The following SGCZ variants were observed in gnomAD, a reference collection of about 807,000 sequenced individuals.
The protein encoded by SGCZ is sarcoglycan zeta.
Under a neutral mutation model 41.3 loss-of-function variants are expected in SGCZ, and 40 were observed. That is an observed-to-expected ratio of 0.97 (90% CI 0.75 to 1.26). The LOEUF (loss-of-function observed/expected upper bound fraction) is 1.26, where lower values mean the gene tolerates loss of function less well. Ranked by LOEUF, SGCZ falls within the 50% of genes most tolerant of loss-of-function variation. The probability of loss-of-function intolerance (pLI) is 0.00; values close to 1 mark genes in which losing one functional copy is unlikely to be tolerated. For synonymous variants in SGCZ, 206 were observed against 137.5 expected, an observed-to-expected ratio of 1.50 and a Z score of -3.49; for missense variants, 552 against 369.8, an observed-to-expected ratio of 1.49 and a Z score of -4.04.
chr8:15,033,262 C>T (rs1803750352), intron 1 of SGCZ, among the ~76,000 whole-genome samples: 1 of 152,006 alleles, frequency 6.6e-6, no homozygotes, highest in Non-Finnish European at 1.5e-5. Context: ...CACCCACACA[C>T]CCAAACTCCA....
chr8:15,199,501 T>C (rs1274632044), intron 1 of SGCZ, among the ~76,000 whole-genome samples: 3 of 152,220 alleles, frequency 2.0e-5, no homozygotes, highest in East Asian at 3.8e-4. Flanking sequence ...ATTGTCACTC[T>C]GTAATACTCT....
intron 2 of SGCZ, among the ~76,000 whole-genome samples, chr8:14,524,386 C>A (rs996240796): frequency 6.6e-6 from 1 of 151,922 alleles, no homozygotes; most frequent in Non-Finnish European, 1.5e-5. Context: ...TAGGCTAGGT[C>A]TCCAGTGACA....
chr8:14,626,173 T>C (rs1806447423), intron 1 of SGCZ, among the ~76,000 whole-genome samples: 1 of 152,128 alleles, frequency 6.6e-6, no homozygotes, highest in Admixed American at 6.6e-5. Context: ...TTTTATGTTC[T>C]AAGATACTTG....
intron 7 of SGCZ, among the ~76,000 whole-genome samples, chr8:14,092,435 T>C (rs1295095712): frequency 6.6e-6 from 1 of 152,080 alleles, no homozygotes; most frequent in Non-Finnish European, 1.5e-5. Context: ...TATTTTTTAA[T>C]ACTCATAAAA....
At chr8:14,848,765 C>T (rs147505532) in intron 1 of SGCZ, among the ~76,000 whole-genome samples, 45 of 152,208 alleles carry the variant, frequency 3.0e-4, no homozygotes, top group Non-Finnish European at 5.6e-4. Context: ...AATAAAACTT[C>T]GTCACAATGG....
intron 1 of SGCZ, among the ~76,000 whole-genome samples, chr8:14,872,223 C>G (rs1804185982): frequency 6.6e-6 from 1 of 151,932 alleles, no homozygotes; most frequent in African/African-American, 2.4e-5. Flanking sequence ...ATGTAGATGA[C>G]AGGTTGATGG....
chr8:14,751,952 A>AC (rs1554493004), intron 1 of SGCZ, among the ~76,000 whole-genome samples: 78 of 147,956 alleles, frequency 5.3e-4, no homozygotes, highest in Admixed American at 8.8e-4. Context: ...AAAACAAACA[A>AC]AAAAAAAAAA....
At chr8:14,220,157 G>A (rs768499321) in intron 4 of SGCZ, among the ~76,000 whole-genome samples, 24 of 152,172 alleles carry the variant, frequency 1.6e-4, no homozygotes, top group Non-Finnish European at 2.8e-4. Flanking sequence ...CAAAAGGGAG[G>A]CAGAAGAATG....
chr8:15,176,661 C>A (rs944533121), intron 1 of SGCZ, among the ~76,000 whole-genome samples: 2 of 152,116 alleles, frequency 1.3e-5, no homozygotes, highest in Non-Finnish European at 2.9e-5. Context: ...AAATACAGAA[C>A]AGTTTTCTCC....
intron 5 of SGCZ, among the ~76,000 whole-genome samples, chr8:14,124,232 G>C (rs1454546855): frequency 2.0e-5 from 3 of 151,998 alleles, no homozygotes; most frequent in Non-Finnish European, 2.9e-5. Flanking sequence ...TAAAATGTAG[G>C]CAGTCCATTC....
intron 3 of SGCZ, among the ~76,000 whole-genome samples, chr8:14,245,647 C>T (rs879039005): frequency 1.3e-5 from 2 of 151,162 alleles, no homozygotes; most frequent in Non-Finnish European, 2.9e-5. Context: ...CTACCATCAG[C>T]GTGAAAAGGC....
chr8:14,811,597 GAGA>G (rs1297449878), intron 1 of SGCZ, among the ~76,000 whole-genome samples: 1 of 114,276 alleles, frequency 8.8e-6, no homozygotes, highest in African/African-American at 3.4e-5. Flanking sequence ...GCCAGAAAAA[GAGA>G]AGGTTTTGTT....
chr8:14,333,994 AC>A (rs1227720668), intron 2 of SGCZ, among the ~76,000 whole-genome samples: 1 of 152,130 alleles, frequency 6.6e-6, no homozygotes. Flanking sequence ...GATCTGCTTT[AC>A]GGGTGTCACT....
At chr8:14,766,598 G>GTCTAAAGTGCAGACAGTGTT (rs1308939926) in intron 1 of SGCZ, among the ~76,000 whole-genome samples, 2 of 151,696 alleles carry the variant, frequency 1.3e-5, no homozygotes, top group African/African-American at 4.8e-5. Flanking sequence ...GTTTCATTCT[G>GTCTAAAGTGCAGACAGTGTT]TCACCCAGGC....
In SGCZ at chr8:15,038,516, AC is replaced by A. The variant is rs1412228873; in HGVS notation, c.39+199068del. Among the ~76,000 whole-genome samples the A allele has an allele frequency of 4.6e-5, 7 of 151,878 alleles. No homozygotes were observed. In the South Asian group the frequency reaches 1.5e-3, roughly 32 times the overall value. ...ACTATAAAACTACTAGAAAAAAAAA[AC>A]AAGGGAAAATTTCTATAACATTGGT... On this transcript the variant is annotated intron_variant, in intron 1 of 7. Coordinates refer to ENST00000382080, the MANE Select transcript of SGCZ (RefSeq NM_139167.4).
intron 2 of SGCZ, among the ~76,000 whole-genome samples, chr8:14,389,650 G>C (rs112012824): frequency 1.3e-5 from 2 of 151,962 alleles, no homozygotes; most frequent in African/African-American, 4.8e-5. Flanking sequence ...TAGAAAATTA[G>C]TACTTAAGAA....
intron 1 of SGCZ, among the ~76,000 whole-genome samples, chr8:14,671,373 G>A (rs1808097044): frequency 6.6e-6 from 1 of 152,128 alleles, no homozygotes; most frequent in African/African-American, 2.4e-5. Context: ...TTTATTAATA[G>A]ATGGAATGGA....
chr8:14,774,836 T>A (rs1483911957), intron 1 of SGCZ, among the ~76,000 whole-genome samples: 1 of 152,180 alleles, frequency 6.6e-6, no homozygotes, highest in Admixed American at 6.5e-5. Context: ...CTGTTTTGCT[T>A]CCTAATTACT....
rs541894800 is a variant in SGCZ, at chr8:14,954,213, T to C, written c.39+283372A>G. On this transcript the variant is annotated intron_variant, in intron 1 of 7. Transcript: ENST00000382080. ...TTCCTTAATTTATTTATATACGCTTTCTTTGATCTTCCACTATTTGCAAGG... is the reference window on the plus strand; with the variant it reads ...TTCCTTAATTTATTTATATACGCTTCCTTTGATCTTCCACTATTTGCAAGG... Among the ~76,000 whole-genome samples, 7 of 152,318 alleles carry C rather than the reference T, an allele frequency of 4.6e-5. No individual in the cohort carries two copies. The South Asian group carries it at 1.4e-3, about 32-fold the overall frequency.
Sources: gnomAD v4.1 joint callset for allele counts (sites outside exome capture counted in the v4.1 genomes callset) on GRCh38, gnomAD v4.1.1 for gene constraint, MANE v1.5 for transcripts, NCBI Gene and HGNC (gene_info 2026-07-23, HGNC 2026-07-21) for gene names.